Variants in SLC43A2 observed in about 807,000 individuals in gnomAD.
SLC43A2 encodes the protein solute carrier family 43 member 2, also known as large neutral amino acids transporter small subunit 4.
In SLC43A2, 38 loss-of-function variants were observed where a neutral mutation model predicts 63.2. That is an observed-to-expected ratio of 0.60 (90% CI 0.46 to 0.79). SLC43A2 has a LOEUF of 0.79. SLC43A2 is among the 30% of genes least tolerant of loss of function. SLC43A2 has a pLI of 0.00. For synonymous variants in SLC43A2, 322 were observed against 331.0 expected, an observed-to-expected ratio of 0.97 and a Z score of 0.30; for missense variants, 644 against 756.2, an observed-to-expected ratio of 0.85 and a Z score of 1.74.
intron 9 of SLC43A2, chr17:1,586,928 T>TCTCCCCCC: frequency 5.7e-6 from 7 of 1,232,910 alleles, no homozygotes; most frequent in South Asian, 2.6e-5. Flanking sequence ...TCCCTGACAA[T>TCTCCCCCC]CCCCCCCACC....
intron 11 of SLC43A2, among the ~76,000 whole-genome samples, chr17:1,579,474 T>A (rs1304237193): frequency 2.7e-5 from 4 of 147,878 alleles, no homozygotes; most frequent in Admixed American, 2.0e-4. Flanking sequence ...AAAAAAAAAA[T>A]TACATAAATT....
intron 5 of SLC43A2, among the ~76,000 whole-genome samples, chr17:1,600,152 A>ATATATATATATATATAT (rs1216616243): frequency 3.3e-5 from 2 of 60,280 alleles, no homozygotes; most frequent in African/African-American, 1.1e-4. Flanking sequence ...ATATATATAT[A>ATATATATATATATATAT]TTTTTTTTTT....
intron 5 of SLC43A2, 95 bp downstream of exon 5, chr17:1,613,100 G>A: frequency 8.8e-7 from 1 of 1,129,982 alleles, no homozygotes; most frequent in South Asian, 1.4e-5. Flanking sequence ...GCACATGCAG[G>A]CACATGGAAG....
In SLC43A2 at chr17:1,573,390, G is replaced by T. The variant is rs974244203; in HGVS notation, c.*2214C>A. On this transcript the variant is annotated 3_prime_UTR_variant, in exon 14 of 14. Transcript: ENST00000301335. ...ATCATGGAGCCGCACGTGGAGGCTGGTGGCTCTGATGGTTCGAGCCGTTCC... is the reference window on the plus strand; with the variant it reads ...ATCATGGAGCCGCACGTGGAGGCTGTTGGCTCTGATGGTTCGAGCCGTTCC... 2 of 152,248 alleles carry T rather than the reference G, an allele frequency of 1.3e-5. No homozygotes were observed. The highest frequency in any genetic ancestry group is 4.8e-5 in the African/African-American group (2 of 41,426). The allele number at this position is 152,248 out of a possible 1,614,324, so 9.4% of individuals were successfully genotyped here. A position where few individuals can be genotyped will look rare whatever the true frequency, so the allele number is the denominator to read the frequency against.
chr17:1,603,481 T>C (rs1906273314), intron 5 of SLC43A2, among the ~76,000 whole-genome samples: 1 of 151,492 alleles, frequency 6.6e-6, no homozygotes, highest in South Asian at 2.1e-4. Context: ...TAAAAACTTT[T>C]ATTGGTCAAA....
rs1567636658 is a variant in SLC43A2 at position 1,606,077 on chromosome 17, G to A, written c.501+7118C>T. On this transcript the variant is annotated intron_variant, in intron 5 of 13. Coordinates refer to ENST00000301335, the MANE Select transcript of SLC43A2 (RefSeq NM_152346.3). This position sits in a 1 kb window ranked among gnomAD's most constrained non-coding sequence, Gnocchi z 4.7. ...GTACAGGACAGAAAGAGAGGAAGGT[G>A]GGGAGGCACAGCAGGCACTGGGCAC... Among the ~76,000 whole-genome samples the A allele has an allele frequency of 6.6e-6, 1 of 152,198 alleles. No individual in the cohort carries two copies. Among genetic ancestry groups the A allele is most frequent in the Admixed American group, 6.5e-5 (1 of 15,280 alleles).
rs1483667732 is a variant in SLC43A2 at position 1,577,509 on chromosome 17, A to C, written c.1424+741T>G. 6.6e-5 allele frequency among the ~76,000 whole-genome samples: 10 copies of C among 152,210 alleles called. No homozygotes were observed. In the East Asian group the frequency reaches 1.9e-3, roughly 29 times the overall value. On this transcript the variant is annotated intron_variant, in intron 12 of 13. Transcript: ENST00000301335. This position sits in a 1 kb window ranked among gnomAD's most constrained non-coding sequence, Gnocchi z 4.9. Reference sequence around the variant, plus strand: ...GGGCAAGCGGAGCTGGGATTACCCCAGGGGCTGTTGCGGGAATTGGGAGAG... The same window carrying C: ...GGGCAAGCGGAGCTGGGATTACCCCCGGGGCTGTTGCGGGAATTGGGAGAG...
intron 9 of SLC43A2, chr17:1,586,940 C>CCCCCCCCCCCA: frequency 6.5e-7 from 1 of 1,527,300 alleles, no homozygotes; most frequent in Admixed American, 2.0e-5. Context: ...CCCCCCACCC[C>CCCCCCCCCCCA]CCGCTTACCC....
chr17:1,624,342 G>A (rs2151083519), intron 2 of SLC43A2, among the ~76,000 whole-genome samples: 2 of 152,296 alleles, frequency 1.3e-5, no homozygotes, highest in South Asian at 4.1e-4. Context: ...GGAGGCTGAG[G>A]CTGGTGGATC....
At chr17:1,613,138 G>T in intron 5 of SLC43A2, 57 bp downstream of exon 5, 2 of 1,450,458 alleles carry the variant, frequency 1.4e-6, no homozygotes, top group Non-Finnish European at 1.9e-6. Context: ...AATCAAAGCG[G>T]CCTCAAATTT....
At chr17:1,582,059 C>T (rs1034150162) in intron 11 of SLC43A2, among the ~76,000 whole-genome samples, 2 of 150,784 alleles carry the variant, frequency 1.3e-5, no homozygotes, top group Admixed American at 6.7e-5. Context: ...CCTGCCTCAG[C>T]CTCCCAAAGT....
Position 1,605,236 on chromosome 17 carries a change from CTCTCTT to C in SLC43A2, c.501+7953_501+7958del. Reference sequence around the variant, plus strand: ...GTCACACAGGGAAGCCCGTGACTCTCTCTCTTTCAGCCCCCTGGCTGCAGCATAAAC... The same window carrying C: ...GTCACACAGGGAAGCCCGTGACTCTCTCAGCCCCCTGGCTGCAGCATAAAC... On this transcript the variant is annotated intron_variant, in intron 5 of 13. Coordinates refer to ENST00000301335, the MANE Select transcript of SLC43A2 (RefSeq NM_152346.3). The surrounding 1 kb of genome is among the most constrained non-coding windows in gnomAD (Gnocchi z 4.9). 7 of 1,071,056 alleles carry C rather than the reference CTCTCTT, an allele frequency of 6.5e-6. No homozygotes were observed. The highest frequency in any genetic ancestry group is 8.0e-6 in the Non-Finnish European group (7 of 880,292). 66.3% of individuals were successfully genotyped at this position (1,071,056 alleles called of 1,614,324 possible).
rs1454928310 is a variant in SLC43A2, at chr17:1,593,541, C to T, written c.502-262G>A. ...TTCCGGCTGGCAACCCTCCCTATCT[C>T]TCTGCTCCTGGCAGAGCCCAGGAGC... is the stretch of plus-strand genomic sequence containing the variant. On this transcript the variant is annotated intron_variant, in intron 5 of 13. Coordinates refer to ENST00000301335, the MANE Select transcript of SLC43A2 (RefSeq NM_152346.3). This position sits in a 1 kb window ranked among gnomAD's most constrained non-coding sequence, Gnocchi z 5.3. Among the ~76,000 whole-genome samples the T allele has an allele frequency of 1.3e-5, 2 of 152,148 alleles. No homozygotes were observed. The highest frequency in any genetic ancestry group is 2.9e-5 in the Non-Finnish European group (2 of 68,030).
rs1317494450 is a variant in SLC43A2, at chr17:1,593,394, G to A, written c.502-115C>T. 5 of 903,872 alleles carry A rather than the reference G, an allele frequency of 5.5e-6. No individual in the cohort carries two copies. In the Admixed American group the frequency reaches 8.1e-5, roughly 15 times the overall value. The allele number at this position is 903,872 out of a possible 1,614,324, so 56.0% of individuals were successfully genotyped here. A position where few individuals can be genotyped will look rare whatever the true frequency, so the allele number is the denominator to read the frequency against. Reference sequence around the variant, plus strand: ...CCCTTCTTCACCTGCGCCCCTTCCTGTGTGACTCACAGGGGCATTAGTTCA... The same window carrying A: ...CCCTTCTTCACCTGCGCCCCTTCCTATGTGACTCACAGGGGCATTAGTTCA... On this transcript the variant is annotated intron_variant, in intron 5 of 13. Transcript: ENST00000301335. The surrounding 1 kb of genome is among the most constrained non-coding windows in gnomAD (Gnocchi z 5.3).
In SLC43A2 at chr17:1,583,132, C is replaced by G; in HGVS notation, c.1350+72G>C. The G allele has an allele frequency of 6.7e-7, 1 of 1,494,148 alleles. No individual in the cohort carries two copies. Among genetic ancestry groups the G allele is most frequent in the Non-Finnish European group, 9.2e-7 (1 of 1,085,152 alleles). The allele number at this position is 1,494,148 out of a possible 1,614,324, so 92.6% of individuals were successfully genotyped here. A position where few individuals can be genotyped will look rare whatever the true frequency, so the allele number is the denominator to read the frequency against. On this transcript the variant is annotated intron_variant, in intron 11 of 13. Coordinates refer to ENST00000301335, the MANE Select transcript of SLC43A2 (RefSeq NM_152346.3). This position sits in a 1 kb window ranked among gnomAD's most constrained non-coding sequence, Gnocchi z 5.5. ...TTGATGGCTTCCATGAAACATTACA[C>G]ACTTTTGAGTCTTTACATGTTCCTT...
At chr17:1,586,935 C>CCCCCCCCCCCCCCCCCCG in intron 9 of SLC43A2, 1 of 1,509,138 alleles carries the variant, frequency 6.6e-7, no homozygotes, top group Non-Finnish European at 8.9e-7. Context: ...CAATCCCCCC[C>CCCCCCCCCCCCCCCCCCG]ACCCCCCGCT....
At chr17:1,629,598 G>C (rs1268875097), upstream of SLC43A2, among the ~76,000 whole-genome samples, 2 of 152,114 alleles carry the variant, frequency 1.3e-5, no homozygotes, top group Non-Finnish European at 2.9e-5. Context: ...CCCCCCATCA[G>C]ACTGACCTTT....
intron 9 of SLC43A2, among the ~76,000 whole-genome samples, chr17:1,586,354 C>A (rs889067574): frequency 1.6e-4 from 24 of 152,270 alleles, no homozygotes; most frequent in African/African-American, 5.5e-4. Flanking sequence ...AACTTGGGAA[C>A]TCCTGTGACG....
At chr17:1,622,446 T>G (rs1009885150) in intron 2 of SLC43A2, among the ~76,000 whole-genome samples, 1 of 151,932 alleles carries the variant, frequency 6.6e-6, no homozygotes, top group African/African-American at 2.4e-5. Context: ...GCGCCTGCAG[T>G]CCCAGCTACT....
Sources: gnomAD v4.1 joint callset for allele counts (sites outside exome capture counted in the v4.1 genomes callset) on GRCh38, gnomAD v4.1.1 for gene constraint, Gnocchi (gnomAD v3.1) non-coding constraint, MANE v1.5 for transcripts, NCBI Gene and HGNC (gene_info 2026-07-23, HGNC 2026-07-21) for gene names.